The following ATP2A3 variants were observed in gnomAD, a reference collection of about 807,000 sequenced individuals.
The protein encoded by ATP2A3 is ATPase sarcoplasmic/endoplasmic reticulum Ca2+ transporting 3.
ATP2A3 carries 61 observed loss-of-function variants against 106.8 expected under a neutral mutation model. That is an observed-to-expected ratio of 0.57 (90% confidence interval 0.46 to 0.71). ATP2A3 has a LOEUF of 0.71. Ranked by LOEUF, ATP2A3 falls within the 30% of genes least tolerant of loss-of-function variation. The pLI, the probability that ATP2A3 is intolerant of heterozygous loss-of-function variation, is 0.00. For missense variants in ATP2A3, 1,201 were observed against 1,423.5 expected (o/e 0.84, Z 2.52); for synonymous variants, 611 against 609.3 (o/e 1.00, Z -0.04).
intron 14 of ATP2A3, among the ~76,000 whole-genome samples, chr17:3,939,198 G>T (rs894423816): frequency 2.0e-5 from 3 of 152,006 alleles, no homozygotes. Context: ...TTAAGATGAG[G>T]GTCAACATCA....
At chr17:3,935,071 CG>C (rs1244502267) in intron 17 of ATP2A3, 120 bp downstream of exon 17, 1 of 1,039,878 alleles carries the variant, frequency 9.6e-7, no homozygotes, top group Non-Finnish European at 1.5e-6. Context: ...GATGTTTATT[CG>C]TGTATAGCGA....
At chr17:3,950,222 C>G (rs1358515670) in intron 7 of ATP2A3, among the ~76,000 whole-genome samples, 1 of 150,164 alleles carries the variant, frequency 6.7e-6, no homozygotes, top group Non-Finnish European at 1.5e-5. Flanking sequence ...AGTGCAGTGG[C>G]ACAATCTTGG....
In ATP2A3 at chr17:3,928,531, G is replaced by A; in HGVS notation, c.2980+132C>T. 1 of 988,636 alleles carries A rather than the reference G, an allele frequency of 1.0e-6. No homozygotes were observed. The highest frequency in any genetic ancestry group is 2.6e-5 in the East Asian group (1 of 38,154). 61.2% of individuals were successfully genotyped at this position (988,636 alleles called of 1,614,324 possible). A position where few individuals can be genotyped will look rare whatever the true frequency, so the allele number is the denominator to read the frequency against. Reference sequence around the variant, plus strand: ...CAGAGCCCCTTCACACCCTCCACTTGGTGATCCGAGAACGCCTCCCCGATG... The same window carrying A: ...CAGAGCCCCTTCACACCCTCCACTTAGTGATCCGAGAACGCCTCCCCGATG... On this transcript the variant is annotated intron_variant, in intron 20 of 20. Transcript: ENST00000397041. The surrounding 1 kb of genome is among the most constrained non-coding windows in gnomAD (Gnocchi z 6.1).
chr17:3,937,392 A>T (rs36057213), intron 15 of ATP2A3, 24 bp downstream of exon 15: 1 of 1,608,512 alleles, frequency 6.2e-7, no homozygotes, highest in Non-Finnish European at 8.5e-7. Flanking sequence ...GAGAGGGCTG[A>T]GAGGAGGGAA....
intron 11 of ATP2A3, 95 bp downstream of exon 11, chr17:3,943,296 A>G (rs2053890449): frequency 3.2e-6 from 5 of 1,548,968 alleles, no homozygotes; most frequent in Admixed American, 3.9e-5. Flanking sequence ...ACAAAACGAA[A>G]CAAAACAAAA....
intron 17 of ATP2A3, 82 bp downstream of exon 17, chr17:3,935,110 T>G: frequency 2.1e-6 from 3 of 1,419,508 alleles, no homozygotes; most frequent in Non-Finnish European, 3.0e-6. Flanking sequence ...AGGCCACCCA[T>G]GCGGCTCTAG....
At chr17:3,927,108 C>T (rs970588338) in intron 20 of ATP2A3, 2 of 985,324 alleles carry the variant, frequency 2.0e-6, no homozygotes, top group South Asian at 4.7e-5. Flanking sequence ...ACTGCTTTAA[C>T]CTCAAAGCCT....
Position 3,928,206 on chromosome 17 carries a change from G to T in ATP2A3, c.2980+457C>A. On this transcript the variant is annotated intron_variant, in intron 20 of 20. Transcript: ENST00000397041. This position sits in a 1 kb window ranked among gnomAD's most constrained non-coding sequence, Gnocchi z 6.1. ...TGAGCTCAGAAACAACCCTCCCCTTGACCCACCCACAAGGTGATACCAAAG... is the reference window on the plus strand; with the variant it reads ...TGAGCTCAGAAACAACCCTCCCCTTTACCCACCCACAAGGTGATACCAAAG... The T allele has an allele frequency of 6.2e-7, 1 of 1,612,022 alleles. No individual in the cohort carries two copies. The highest frequency in any genetic ancestry group is 1.1e-5 in the South Asian group (1 of 91,016).
At chr17:3,949,543 G>A (rs2054299727) in intron 7 of ATP2A3, among the ~76,000 whole-genome samples, 1 of 152,188 alleles carries the variant, frequency 6.6e-6, no homozygotes, top group Admixed American at 6.5e-5. Flanking sequence ...CCCTTCTCCA[G>A]GGGAAGGCAG....
chr17:3,958,887 C>CACACACAT (rs1354215003), intron 1 of ATP2A3, among the ~76,000 whole-genome samples: 1 of 99,896 alleles, frequency 1.0e-5, no homozygotes, highest in African/African-American at 4.8e-5. Flanking sequence ...CACACACACA[C>CACACACAT]ATATATATAT....
In ATP2A3 at chr17:3,929,999, G is replaced by A. The variant is rs556587478; in HGVS notation, c.2744+302C>T. Reference sequence around the variant, plus strand: ...TCTCTTGACCCCTAGACCCCAGTCTGGGATGCTCTTGACCTCTGGACCCCA... The same window carrying A: ...TCTCTTGACCCCTAGACCCCAGTCTAGGATGCTCTTGACCTCTGGACCCCA... On this transcript the variant is annotated intron_variant, in intron 18 of 20. Coordinates refer to ENST00000397041, the MANE Select transcript of ATP2A3 (RefSeq NM_005173.4). This position sits in a 1 kb window ranked among gnomAD's most constrained non-coding sequence, Gnocchi z 4.3. Among the ~76,000 whole-genome samples the A allele has an allele frequency of 2.2e-5, 3 of 135,404 alleles. No individual in the cohort carries two copies. In the South Asian group the frequency reaches 6.9e-4, roughly 31 times the overall value. The allele number at this position is 135,404 out of a possible 152,430, so 88.8% of individuals were successfully genotyped here. A position where few individuals can be genotyped will look rare whatever the true frequency, so the allele number is the denominator to read the frequency against.
intron 14 of ATP2A3, among the ~76,000 whole-genome samples, chr17:3,940,041 T>TTG (rs2053666523): frequency 1.1e-5 from 1 of 92,570 alleles, no homozygotes; most frequent in Admixed American, 1.1e-4. Context: ...CTTTTTTTTT[T>TTG]TGTTTTTTGT....
At chr17:3,933,591 C>G (rs1389302431) in intron 17 of ATP2A3, among the ~76,000 whole-genome samples, 1 of 151,080 alleles carries the variant, frequency 6.6e-6, no homozygotes, top group African/African-American at 2.5e-5. Flanking sequence ...AAAAAATTAG[C>G]CGGGCATGGT....
At chr17:3,935,891 C>G (rs551117280) in intron 16 of ATP2A3, among the ~76,000 whole-genome samples, 17 of 152,248 alleles carry the variant, frequency 1.1e-4, no homozygotes, top group Admixed American at 1.1e-3. Flanking sequence ...TCCCACAATG[C>G]TGGGGTTACA....
At chr17:3,952,566 CA>C (rs1489157304) in intron 3 of ATP2A3, among the ~76,000 whole-genome samples, 1 of 152,076 alleles carries the variant, frequency 6.6e-6, no homozygotes, top group Non-Finnish European at 1.5e-5. Flanking sequence ...AGGTGCCCCC[CA>C]GGGGCATTTG....
chr17:3,930,980 A>G lies in ATP2A3; in HGVS notation c.2611-546T>C. 1 of 221,100 alleles carries G rather than the reference A, an allele frequency of 4.5e-6. No homozygotes were observed. Among genetic ancestry groups the G allele is most frequent in the Non-Finnish European group, 9.2e-6 (1 of 108,638 alleles). 13.7% of individuals were successfully genotyped at this position (221,100 alleles called of 1,614,324 possible). ...ACATGGTGAAACCCCGTCTCTACTA[A>G]AAATACAAAAATTAGCCTGCGTGGT... On this transcript the variant is annotated intron_variant, in intron 17 of 20. Transcript: ENST00000397041. This position sits in a 1 kb window ranked among gnomAD's most constrained non-coding sequence, Gnocchi z 5.4.
chr17:3,933,786 C>T (rs1417614631), intron 17 of ATP2A3, among the ~76,000 whole-genome samples: 2 of 151,572 alleles, frequency 1.3e-5, no homozygotes, highest in Non-Finnish European at 2.9e-5. Context: ...TTCTGCCTCA[C>T]AGGCACATGG....
chr17:3,927,058 C>T (rs905560871), intron 20 of ATP2A3: 3 of 985,360 alleles, frequency 3.0e-6, no homozygotes, highest in African/African-American at 3.5e-5. Context: ...TGTGCTCACC[C>T]AGCCCTGTTC....
At chr17:3,933,585 A>C (rs1395173937) in intron 17 of ATP2A3, among the ~76,000 whole-genome samples, 1 of 150,222 alleles carries the variant, frequency 6.7e-6, no homozygotes, top group Non-Finnish European at 1.5e-5. Context: ...AAATACAAAA[A>C]ATTAGCCGGG....
Sources: gnomAD v4.1 joint callset for allele counts (sites outside exome capture counted in the v4.1 genomes callset) on GRCh38, gnomAD v4.1.1 for gene constraint, Gnocchi (gnomAD v3.1) non-coding constraint, MANE v1.5 for transcripts, NCBI Gene and HGNC (gene_info 2026-07-23, HGNC 2026-07-21) for gene names.